RBMS3: variants seen among roughly 807,000 people sequenced by gnomAD.
RBMS3 encodes RNA binding motif single stranded interacting protein 3, also known as RNA-binding motif, single-stranded-interacting protein 3.
In RBMS3, 27 loss-of-function variants were observed where a neutral mutation model predicts 66.8. The ratio of observed to expected loss-of-function variants is 0.40; its 90% CI spans 0.30 to 0.56. The LOEUF (loss-of-function observed/expected upper bound fraction) is 0.56. RBMS3 is among the 20% of genes least tolerant of loss of function. RBMS3 has a pLI of 0.40. For synonymous variants in RBMS3, 188 were observed against 183.0 expected (o/e 1.03, Z -0.22); for missense variants, 513 against 549.5 (o/e 0.93, Z 0.66).
chr3:29,908,701 G>A (rs1382755807), intron 10 of RBMS3, among the ~76,000 whole-genome samples: 1 of 151,568 alleles, frequency 6.6e-6, no homozygotes, highest in African/African-American at 2.4e-5. Context: ...GAGAAACTTG[G>A]GTTCAATGAA....
chr3:29,662,395 C>T (rs551499431), intron 4 of RBMS3, among the ~76,000 whole-genome samples: 30 of 152,166 alleles, frequency 2.0e-4, no homozygotes, highest in African/African-American at 4.6e-4. Flanking sequence ...TAATATTTTT[C>T]GAAAATTGAG....
intron 1 of RBMS3, among the ~76,000 whole-genome samples, chr3:29,406,090 T>C (rs2040006351): frequency 6.6e-6 from 1 of 152,238 alleles, no homozygotes; most frequent in Non-Finnish European, 1.5e-5. Context: ...AGTTATACTG[T>C]CAGTCATTGT....
chr3:29,347,952 G>A (rs2036678356), intron 1 of RBMS3, among the ~76,000 whole-genome samples: 1 of 152,172 alleles, frequency 6.6e-6, no homozygotes, highest in South Asian at 2.1e-4. Context: ...TATACATGAA[G>A]TGCTAATGAA....
chr3:29,897,248 G>A (rs1027373038), intron 8 of RBMS3, 131 bp from the exon 9 acceptor site: 10 of 728,362 alleles, frequency 1.4e-5, no homozygotes, highest in East Asian at 1.0e-4. Flanking sequence ...TCTCCTAGAC[G>A]TTCTTGTTAA....
At chr3:29,826,282 A>G (rs889830875) in intron 6 of RBMS3, among the ~76,000 whole-genome samples, 4 of 152,150 alleles carry the variant, frequency 2.6e-5, no homozygotes, top group Admixed American at 2.0e-4. Context: ...ATAAAATCTC[A>G]TGCTTCCTCC....
intron 4 of RBMS3, among the ~76,000 whole-genome samples, chr3:29,641,995 C>G (rs2049733713): frequency 6.6e-6 from 1 of 152,090 alleles, no homozygotes; most frequent in Admixed American, 6.6e-5. Context: ...CCAAAGAGAA[C>G]TGACATTTCT....
At chr3:29,665,928 T>C (rs1041771482) in intron 4 of RBMS3, among the ~76,000 whole-genome samples, 1 of 152,198 alleles carries the variant, frequency 6.6e-6, no homozygotes, top group Non-Finnish European at 1.5e-5. Context: ...TTACAATGAC[T>C]CCTCATCTCA....
chr3:29,665,911 A>G (rs1292136691), intron 4 of RBMS3, among the ~76,000 whole-genome samples: 2 of 152,204 alleles, frequency 1.3e-5, no homozygotes, highest in Non-Finnish European at 2.9e-5. Flanking sequence ...ATGTTTAATA[A>G]AATTCCTTAC....
At position 29,858,148 on chromosome 3, in the gene RBMS3, A is replaced by G. The variant is rs570698710; in HGVS notation, c.638-10710A>G. Among the ~76,000 whole-genome samples the G allele has an allele frequency of 4.6e-5, 7 of 152,286 alleles. No individual in the cohort carries two copies. The South Asian group carries it at 1.4e-3, about 32-fold the overall frequency. ...TGGTGGATTTAAAAGAGGTATTTTT[A>G]TTTTTAACCTTTCTATAGTTTGAAT... On this transcript the variant is annotated intron_variant, in intron 6 of 14. Transcript: ENST00000383767.
At chr3:29,354,654 G>A (rs77801146) in intron 1 of RBMS3, among the ~76,000 whole-genome samples, 10,293 of 152,132 alleles carry the variant, frequency 0.068, 409 homozygotes, top group African/African-American at 0.099. Context: ...GTTAAACCAA[G>A]AATTTCAATA....
rs541666559 is a variant in RBMS3, at chr3:29,472,783, C to T, written c.249-15658C>T. On this transcript the variant is annotated intron_variant, in intron 2 of 14. Transcript: ENST00000383767. ...TACAGCTCATAAAGGCAGTGTGGAC[C>T]CAAAGAGTGAGCAGCAGCAAGATTT... Among the ~76,000 whole-genome samples, 12 of 152,118 alleles carry T rather than the reference C, an allele frequency of 7.9e-5. No individual in the cohort carries two copies. In the East Asian group the frequency reaches 2.3e-3, roughly 29 times the overall value.
intron 2 of RBMS3, among the ~76,000 whole-genome samples, chr3:29,453,120 C>T (rs9882831): frequency 0.092 from 13,921 of 152,140 alleles, 1,496 homozygotes; most frequent in African/African-American, 0.26. Context: ...AAGACAGAAG[C>T]CTCAGGGACA....
chr3:29,739,939 T>G (rs982802680), intron 5 of RBMS3, 62 bp downstream of exon 5: 5 of 1,305,386 alleles, frequency 3.8e-6, no homozygotes, highest in Non-Finnish European at 5.0e-6. Context: ...ATTCCATTCC[T>G]TTTTTAGTAC....
At chr3:29,485,849 C>A (rs2043299021) in intron 2 of RBMS3, among the ~76,000 whole-genome samples, 1 of 152,082 alleles carries the variant, frequency 6.6e-6, no homozygotes, top group East Asian at 1.9e-4. Context: ...ATTTCTGCTT[C>A]CAATGGTGGG....
rs1401348057 is a variant in RBMS3, at chr3:29,962,050, G to GTGTATATATAATATATTATTATATAT, written c.1098+17810_1098+17835dup. 1.6e-3 allele frequency among the ~76,000 whole-genome samples: 222 copies of GTGTATATATAATATATTATTATATAT among 140,724 alleles called. 1 individual carries two copies. The highest frequency in any genetic ancestry group is 2.3e-3 in the Non-Finnish European group (150 of 65,436). 92.3% of individuals were successfully genotyped at this position (140,724 alleles called of 152,430 possible). On this transcript the variant is annotated intron_variant, in intron 12 of 14. Transcript: ENST00000383767. Reference sequence around the variant, plus strand: ...TTTGTATGTATAATATATTATATATGTGTATATATAATATATTATTATATA... The same window carrying GTGTATATATAATATATTATTATATAT: ...TTTGTATGTATAATATATTATATATGTGTATATATAATATATTATTATATATTGTATATATAATATATTATTATATA...
chr3:29,543,425 A>G (rs1362083802), intron 3 of RBMS3, among the ~76,000 whole-genome samples: 2 of 152,102 alleles, frequency 1.3e-5, no homozygotes, highest in Non-Finnish European at 2.9e-5. Flanking sequence ...AAACACTTAG[A>G]TGGCTGGGCA....
intron 12 of RBMS3, among the ~76,000 whole-genome samples, chr3:29,977,640 C>T (rs1168992242): frequency 6.6e-6 from 1 of 152,092 alleles, no homozygotes; most frequent in Non-Finnish European, 1.5e-5. Flanking sequence ...AGTGCTCCTA[C>T]ACATTCACAT....
At position 29,682,927 on chromosome 3, in the gene RBMS3, TC is replaced by T. The variant is rs2051559694; in HGVS notation, c.400-56791del. ...GCTGATATACTCTAGGAATTACTCT[TC>T]CTATGCAAAGTGTACAATTCTAAGT... On this transcript the variant is annotated intron_variant, in intron 4 of 14. Coordinates refer to ENST00000383767, the MANE Select transcript of RBMS3 (RefSeq NM_001003793.3). Among the ~76,000 whole-genome samples, 3 of 152,218 alleles carry T rather than the reference TC, an allele frequency of 2.0e-5. No homozygotes were observed. The South Asian group carries it at 6.2e-4, about 32-fold the overall frequency.
At chr3:29,446,227 C>G (rs186067730) in intron 2 of RBMS3, among the ~76,000 whole-genome samples, 84 of 152,174 alleles carry the variant, frequency 5.5e-4, no homozygotes, top group Non-Finnish European at 9.4e-4. Flanking sequence ...ACTTTCTGGG[C>G]TTAATAGTTC....
Sources: gnomAD v4.1 joint callset for allele counts (sites outside exome capture counted in the v4.1 genomes callset) on GRCh38, gnomAD v4.1.1 for gene constraint, MANE v1.5 for transcripts, NCBI Gene and HGNC (gene_info 2026-07-23, HGNC 2026-07-21) for gene names.